PCSK5: variants seen among roughly 807,000 people sequenced by gnomAD.
The protein encoded by PCSK5 is prohormone convertase 5.
PCSK5 carries 129 observed loss-of-function variants against 233.2 expected under a neutral mutation model. The observed-to-expected ratio is 0.55, with a 90% CI of 0.48 to 0.64. The LOEUF is 0.64. Ranked by LOEUF, PCSK5 falls within the 30% of genes least tolerant of loss-of-function variation. PCSK5 has a pLI of 0.00. For synonymous variants in PCSK5, 825 were observed against 879.2 expected (o/e 0.94, Z 1.09); for missense variants, 2,076 against 2,430.1 (o/e 0.85, Z 3.06).
Position 76,343,753 on chromosome 9 carries a change from C to T in PCSK5, c.4966+5306C>T, listed in dbSNP as rs1223140466. ...CTCCAGAAAACCTCCCCAGACCCTT[C>T]ATTCTATGTTCCCTTAGTACTCTGT... is the stretch of plus-strand genomic sequence containing the variant. On this transcript the variant is annotated intron_variant, in intron 35 of 37. Transcript: ENST00000674117. 3.9e-5 allele frequency among the ~76,000 whole-genome samples: 6 copies of T among 152,204 alleles called. No homozygotes were observed. The East Asian group carries it at 1.2e-3, about 29-fold the overall frequency.
chr9:76,223,319 C>T (rs1430933624), intron 20 of PCSK5, among the ~76,000 whole-genome samples: 3 of 152,148 alleles, frequency 2.0e-5, no homozygotes, highest in Non-Finnish European at 2.9e-5. Flanking sequence ...AAATGAGGCT[C>T]TTCTGGCCAT....
chr9:76,289,911 C>T (rs1348892775), intron 24 of PCSK5, among the ~76,000 whole-genome samples: 1 of 152,134 alleles, frequency 6.6e-6, no homozygotes, highest in Non-Finnish European at 1.5e-5. Flanking sequence ...TCCCTGAACT[C>T]AAGATGGCAT....
At chr9:76,173,394 A>ATATGCC (rs1448144475) in intron 13 of PCSK5, among the ~76,000 whole-genome samples, 2 of 150,066 alleles carry the variant, frequency 1.3e-5, no homozygotes, top group Non-Finnish European at 2.9e-5. Context: ...TCCTACCAGC[A>ATATGCC]TATGCCTATG....
chr9:76,125,203 C>T (rs1474432082), intron 9 of PCSK5, among the ~76,000 whole-genome samples: 1 of 152,126 alleles, frequency 6.6e-6, no homozygotes, highest in Non-Finnish European at 1.5e-5. Context: ...CTCAAATCTG[C>T]CATTGAAGGA....
intron 2 of PCSK5, among the ~76,000 whole-genome samples, chr9:75,937,661 A>G (rs1045784578): frequency 3.3e-5 from 5 of 152,206 alleles, no homozygotes; most frequent in Admixed American, 2.6e-4. Context: ...TCTTCTTTCA[A>G]CAGAAGGCTG....
intron 9 of PCSK5, among the ~76,000 whole-genome samples, chr9:76,128,369 A>G (rs1303220295): frequency 6.6e-6 from 1 of 152,218 alleles, no homozygotes; most frequent in African/African-American, 2.4e-5. Context: ...GACCTGGTGG[A>G]AAGCTTCATA....
chr9:76,100,967 T>C (rs1271076140), intron 8 of PCSK5, among the ~76,000 whole-genome samples: 1 of 152,196 alleles, frequency 6.6e-6, no homozygotes, highest in Non-Finnish European at 1.5e-5. Context: ...ACTTCATTTT[T>C]GTCTCCTCTC....
intron 1 of PCSK5, among the ~76,000 whole-genome samples, chr9:75,901,458 C>G (rs1826030529): frequency 6.6e-6 from 1 of 152,018 alleles, no homozygotes; most frequent in Admixed American, 6.6e-5. Flanking sequence ...ACATCACACA[C>G]TGGAGCCTGT....
chr9:76,203,698 G>A (rs1055823638), intron 20 of PCSK5, among the ~76,000 whole-genome samples: 27 of 152,238 alleles, frequency 1.8e-4, no homozygotes, highest in African/African-American at 6.5e-4. Flanking sequence ...GTGAGTTAGT[G>A]AAGGGGTGCT....
chr9:75,976,274 CCACACACACACACACACACACACACACA>C (rs10562995), intron 2 of PCSK5, among the ~76,000 whole-genome samples: 7 of 141,588 alleles, frequency 4.9e-5, no homozygotes, highest in African/African-American at 1.6e-4. Flanking sequence ...CACACAGACA[CCACACACACACACACACACACACACACA>C]CACACACACA....
chr9:76,300,840 A>G (rs1828576303), intron 27 of PCSK5, among the ~76,000 whole-genome samples: 1 of 152,216 alleles, frequency 6.6e-6, no homozygotes, highest in Non-Finnish European at 1.5e-5. Flanking sequence ...GAATGAAATG[A>G]GAAAATGTAT....
Position 76,157,186 on chromosome 9 carries a change from G to T in PCSK5, c.1430+24G>T, listed in dbSNP as rs202124853. The T allele has an allele frequency of 4.1e-6, 6 of 1,480,780 alleles. No homozygotes were observed. In the African/African-American group the frequency reaches 6.9e-5, roughly 17 times the overall value. 91.7% of individuals were successfully genotyped at this position (1,480,780 alleles called of 1,614,324 possible). On this transcript the variant is annotated intron_variant, in intron 11 of 37. Transcript: ENST00000674117. ...AAGTAATGCTTGCTGCCGGCAAACA[G>T]CATGACAATGCCCCAAAATAGAGCA...
At chr9:75,940,603 T>G (rs1331339471) in intron 2 of PCSK5, among the ~76,000 whole-genome samples, 5 of 152,208 alleles carry the variant, frequency 3.3e-5, no homozygotes, top group African/African-American at 9.6e-5. Context: ...TGCTCAGGAT[T>G]AGATTTTCAG....
chr9:76,056,724 ATT>A (rs1449352247), intron 5 of PCSK5, among the ~76,000 whole-genome samples: 1 of 152,190 alleles, frequency 6.6e-6, no homozygotes, highest in Non-Finnish European at 1.5e-5. Flanking sequence ...TATGTAACAA[ATT>A]GTTTCATGTT....
chr9:76,224,690 A>T (rs1330665752), intron 20 of PCSK5, among the ~76,000 whole-genome samples: 1 of 152,218 alleles, frequency 6.6e-6, no homozygotes, highest in Non-Finnish European at 1.5e-5. Flanking sequence ...TTTTGGGGTC[A>T]TTATATCTAA....
At chr9:76,080,193 C>G (rs934363050) in intron 7 of PCSK5, among the ~76,000 whole-genome samples, 1 of 152,164 alleles carries the variant, frequency 6.6e-6, no homozygotes, top group Non-Finnish European at 1.5e-5. Context: ...TCCACCCCAG[C>G]AATCCACTGA....
At chr9:76,263,063 C>A (rs1488332662) in intron 24 of PCSK5, among the ~76,000 whole-genome samples, 50 of 152,146 alleles carry the variant, frequency 3.3e-4, no homozygotes, top group African/African-American at 1.1e-3. Context: ...AAATGCAAAT[C>A]AAAACCACAA....
At chr9:76,045,112 C>G (rs1829319237) in intron 5 of PCSK5, among the ~76,000 whole-genome samples, 1 of 152,096 alleles carries the variant, frequency 6.6e-6, no homozygotes, top group South Asian at 2.1e-4. Flanking sequence ...TGGAATTTTC[C>G]CATTTTCAAA....
Position 76,067,951 on chromosome 9 carries a change from G to C in PCSK5, c.633-4G>C, listed in dbSNP as rs540127661. ...TTGAGAAAGTGTGTGTGTTCTGCCT[G>C]CAGGCATGGGACTCGCTGTGCTGGA... On this transcript the variant is annotated splice_polypyrimidine_tract_variant and splice_region_variant and intron_variant, in intron 5 of 37. Transcript: ENST00000674117. The C allele has an allele frequency of 1.2e-5, 20 of 1,612,192 alleles. No individual in the cohort carries two copies. In the African/African-American group the frequency reaches 2.7e-4, roughly 21 times the overall value.
Sources: allele counts gnomAD v4.1 joint callset (sites outside exome capture counted in the v4.1 genomes callset), GRCh38; gene constraint gnomAD v4.1.1; transcripts MANE v1.5; gene names NCBI Gene and HGNC (gene_info 2026-07-23, HGNC 2026-07-21).